Variants in ERCC4 observed in about 807,000 individuals in gnomAD.
ERCC4 encodes ERCC excision repair 4, endonuclease catalytic subunit, also known as DNA repair endonuclease XPF.
A neutral mutation model predicts 76.9 loss-of-function variants in ERCC4; 65 were observed. The ratio of observed to expected loss-of-function variants is 0.84; its 90% CI spans 0.69 to 1.04. The LOEUF is 1.04. Ranked by LOEUF, ERCC4 falls within the 50% of genes least tolerant of loss-of-function variation. The pLI is 0.00. For missense variants in ERCC4, 1,214 were observed against 1,128.2 expected, an observed-to-expected ratio of 1.08 and a Z score of -1.09; for synonymous variants, 463 against 410.1, an observed-to-expected ratio of 1.13 and a Z score of -1.56.
rs1348674133 is a variant in ERCC4, at chr16:13,947,911, G to A, written c.2315G>A (p.Arg772Gln). Residue 772 changes from arginine to glutamine, a missense_variant, in exon 11 of 11, where the codon CGA becomes CAA. By Grantham distance (43) the Arg-to-Gln change is conservative. Coordinates refer to ENST00000311895, the MANE Select transcript of ERCC4 (RefSeq NM_005236.3). ...DPSKPFSLTS[R>Q]GALFQEISSN... Reference sequence around the variant, plus strand: ...AGCAAGCCTTTCTCTCTCACTTCCCGAGGTGCCTTGTTTCAGGAGATCTCC... The same window carrying A: ...AGCAAGCCTTTCTCTCTCACTTCCCAAGGTGCCTTGTTTCAGGAGATCTCC... 15 of 1,613,912 alleles carry A rather than the reference G, an allele frequency of 9.3e-6. No homozygotes were observed. The highest frequency in any genetic ancestry group is 2.2e-5 in the South Asian group (2 of 91,072).
intron 9 of ERCC4, among the ~76,000 whole-genome samples, chr16:13,938,549 G>A (rs1431982788): frequency 6.6e-6 from 1 of 152,188 alleles, no homozygotes; most frequent in Non-Finnish European, 1.5e-5. Context: ...AGCCTGGTGT[G>A]GGAAGATGGG....
In ERCC4 at chr16:13,937,565, C is replaced by T. The variant is rs138541021; in HGVS notation, c.1812-201C>T. Reference sequence around the variant, plus strand: ...TTTTGGCAAAAGAAAATAAAAAATGCCCTGTGTGGTAACGAGACCTTTAAC... The same window carrying T: ...TTTTGGCAAAAGAAAATAAAAAATGTCCTGTGTGGTAACGAGACCTTTAAC... On this transcript the variant is annotated intron_variant, in intron 8 of 10. Coordinates refer to ENST00000311895, the MANE Select transcript of ERCC4 (RefSeq NM_005236.3). Among the ~76,000 whole-genome samples the T allele has an allele frequency of 4.6e-5, 7 of 152,234 alleles. No homozygotes were observed. The East Asian group carries it at 1.4e-3, about 29-fold the overall frequency.
At chr16:13,932,532 A>G in intron 6 of ERCC4, 1 of 570,580 alleles carries the variant, frequency 1.8e-6, no homozygotes, top group South Asian at 2.3e-5. Context: ...CTTCCAAATA[A>G]CAGATGTCAA....
chr16:13,931,448 T>C (rs2032169834), intron 5 of ERCC4: 2 of 158,552 alleles, frequency 1.3e-5, no homozygotes, highest in Non-Finnish European at 1.4e-5. Flanking sequence ...GATGGTTCTT[T>C]AGGGACATTC....
Position 13,950,834 on chromosome 16 carries a change from G to A in ERCC4, c.*2487G>A. ...TCCAAGTTGAGTTTTCAAAAAAAAG[G>A]TCTTCCTAAAGCTACCATTTTCAAC... On this transcript the variant is annotated 3_prime_UTR_variant, in exon 11 of 11. Coordinates refer to ENST00000311895, the MANE Select transcript of ERCC4 (RefSeq NM_005236.3). 1 of 195,182 alleles carries A rather than the reference G, an allele frequency of 5.1e-6. No homozygotes were observed. The highest frequency in any genetic ancestry group is 1.1e-5 in the Non-Finnish European group (1 of 93,832). The allele number at this position is 195,182 out of a possible 1,614,324, so 12.1% of individuals were successfully genotyped here.
At chr16:13,922,639 C>T in intron 2 of ERCC4, 1 of 543,760 alleles carries the variant, frequency 1.8e-6, no homozygotes, top group East Asian at 3.5e-5. Context: ...ATGGCCGCAG[C>T]CCTTTTTGGC....
In ERCC4 at chr16:13,932,372, G is replaced by T. The variant is rs530560814; in HGVS notation, c.1102+87G>T. The T allele has an allele frequency of 6.3e-6, 8 of 1,265,056 alleles. No individual in the cohort carries two copies. The South Asian group carries it at 7.6e-5, about 12-fold the overall frequency. The allele number at this position is 1,265,056 out of a possible 1,614,324, so 78.4% of individuals were successfully genotyped here. A position where few individuals can be genotyped will look rare whatever the true frequency, so the allele number is the denominator to read the frequency against. On this transcript the variant is annotated intron_variant, in intron 6 of 10. Transcript: ENST00000311895. ...AAAGTGCAATTTAAAGTCTTCTTTG[G>T]CCATGTGAAAAGTGTGTTCCTTGAA...
At chr16:13,942,826 GT>G (rs1437886695) in intron 9 of ERCC4, among the ~76,000 whole-genome samples, 1 of 152,208 alleles carries the variant, frequency 6.6e-6, no homozygotes, top group Non-Finnish European at 1.5e-5. Flanking sequence ...TAGAAACAAA[GT>G]GGGGGACACA....
rs896337478 is a variant in ERCC4 at position 13,949,315 on chromosome 16, T to C, written c.*968T>C. On this transcript the variant is annotated 3_prime_UTR_variant, in exon 11 of 11. Coordinates refer to ENST00000311895, the MANE Select transcript of ERCC4 (RefSeq NM_005236.3). ...CTTATATCCTAAGACACCAGCATCA[T>C]ATCCTCTAGAAATACAACCTAATTG... is the stretch of plus-strand genomic sequence containing the variant. 3.0e-5 allele frequency: 7 copies of C among 233,896 alleles called. No homozygotes were observed. Among genetic ancestry groups the C allele is most frequent in the African/African-American group, 1.5e-4 (7 of 45,356 alleles). 14.5% of individuals were successfully genotyped at this position (233,896 alleles called of 1,614,324 possible).
intron 3 of ERCC4, 97 bp downstream of exon 3, chr16:13,926,853 T>C (rs1173198985): frequency 2.1e-6 from 2 of 975,438 alleles, no homozygotes; most frequent in Non-Finnish European, 3.2e-6. Flanking sequence ...TAATATAATG[T>C]AAAATTCATT....
chr16:13,933,344 A>AT (rs1435366619), intron 6 of ERCC4: 1 of 155,852 alleles, frequency 6.4e-6, no homozygotes, highest in Non-Finnish European at 1.4e-5. Flanking sequence ...GATACCGTAA[A>AT]TATCACTAGT....
rs751348446 is a variant in ERCC4, at chr16:13,934,296, G to A, written c.1207G>A (p.Gly403Ser). Residue 403 changes from glycine to serine, a missense_variant, in exon 7 of 11, where the codon GGT becomes AGT. By Grantham distance (56) the Gly-to-Ser change is moderately conservative. Coordinates refer to ENST00000311895, the MANE Select transcript of ERCC4 (RefSeq NM_005236.3). ...AENKESEALG[G>S]PGQVLICASD... is the part of the protein sequence containing the mutation. ...AAATAAGGAGAGTGAAGCTCTTGGT[G>A]GTCCAGGTAGGAAAAAAGGAGATGA... 1 of 1,601,316 alleles carries A rather than the reference G, an allele frequency of 6.2e-7. No individual in the cohort carries two copies. Among genetic ancestry groups the A allele is most frequent in the Non-Finnish European group, 8.6e-7 (1 of 1,168,682 alleles).
At chr16:13,935,117 A>T in intron 7 of ERCC4, 29 bp from the exon 8 acceptor site, 1 of 1,515,840 alleles carries the variant, frequency 6.6e-7, no homozygotes, top group Non-Finnish European at 9.2e-7. Flanking sequence ...GTGAGGTAAT[A>T]GTAACATAAT....
chr16:13,932,058 G>A, intron 5 of ERCC4, 99 bp from the exon 6 acceptor site: 3 of 1,014,360 alleles, frequency 3.0e-6, no homozygotes, highest in South Asian at 2.6e-5. Context: ...AGGAAGACAG[G>A]ATGACAGCCA....
chr16:13,938,922 A>C (rs1050066937), intron 9 of ERCC4, among the ~76,000 whole-genome samples: 1 of 152,230 alleles, frequency 6.6e-6, no homozygotes, highest in African/African-American at 2.4e-5. Flanking sequence ...GATGGGGGTC[A>C]GCATGGTGCA....
intron 4 of ERCC4, among the ~76,000 whole-genome samples, chr16:13,929,307 A>G (rs1380215050): frequency 1.3e-5 from 2 of 152,208 alleles, no homozygotes; most frequent in Admixed American, 1.3e-4. Context: ...ATTTTACAAA[A>G]AAGGCATGTA....
At chr16:13,944,427 A>G (rs567454481) in intron 9 of ERCC4, among the ~76,000 whole-genome samples, 2 of 152,290 alleles carry the variant, frequency 1.3e-5, no homozygotes, top group South Asian at 2.1e-4. Flanking sequence ...ATTTTTTGAC[A>G]TGCTTGTGTT....
At chr16:13,934,676 G>C (rs1391091055) in intron 7 of ERCC4, 1 of 251,788 alleles carries the variant, frequency 4.0e-6, no homozygotes, top group Non-Finnish European at 7.7e-6. Flanking sequence ...TGGGTCTCCT[G>C]TTTTATATCC....
chr16:13,936,898 C>CT (rs34695139), intron 8 of ERCC4, among the ~76,000 whole-genome samples: 3,159 of 143,152 alleles, frequency 0.022, 103 homozygotes, highest in African/African-American at 0.073. Context: ...AAAAGCAGGC[C>CT]TTTTTTTTTT....
Sources: allele counts gnomAD v4.1 joint callset (sites outside exome capture counted in the v4.1 genomes callset), GRCh38; gene constraint gnomAD v4.1.1; transcripts MANE v1.5; gene names NCBI Gene and HGNC (gene_info 2026-07-23, HGNC 2026-07-21).